The following INPP5A variants were observed in gnomAD, a reference collection of about 807,000 sequenced individuals.
INPP5A encodes the protein inositol polyphosphate-5-phosphatase A.
In INPP5A, 14 loss-of-function variants were observed where a neutral mutation model predicts 65.2. That is an observed-to-expected ratio of 0.21 (90% CI 0.14 to 0.34). INPP5A has a LOEUF of 0.34. INPP5A is among the 10% of genes least tolerant of loss of function. The pLI is 1.00. For missense variants in INPP5A, 431 were observed against 545.6 expected, an observed-to-expected ratio of 0.79 and a Z score of 2.09; for synonymous variants, 207 against 208.3, an observed-to-expected ratio of 0.99 and a Z score of 0.05.
At chr10:132,629,463 AG>A (rs1348040982) in intron 2 of INPP5A, among the ~76,000 whole-genome samples, 3 of 152,220 alleles carry the variant, frequency 2.0e-5, no homozygotes, top group African/African-American at 4.8e-5. Context: ...ACATCTTTGA[AG>A]GGAGTTGTGT....
intron 1 of INPP5A, among the ~76,000 whole-genome samples, chr10:132,556,707 G>T (rs1242302179): frequency 6.6e-6 from 1 of 152,134 alleles, no homozygotes; most frequent in Non-Finnish European, 1.5e-5. Context: ...TGACCTATTA[G>T]ATGTGTAAAA....
chr10:132,777,161 G>T (rs1038649598), intron 12 of INPP5A, among the ~76,000 whole-genome samples: 1 of 152,220 alleles, frequency 6.6e-6, no homozygotes, highest in Non-Finnish European at 1.5e-5. Context: ...CTGCAGCAGT[G>T]ACCCGGGGCC....
chr10:132,639,893 A>G (rs1456995294), intron 2 of INPP5A, among the ~76,000 whole-genome samples: 1 of 152,142 alleles, frequency 6.6e-6, no homozygotes, highest in Non-Finnish European at 1.5e-5. Context: ...TGTTGTATAA[A>G]TGTTTTTAGT....
chr10:132,612,519 C>T (rs1215239586), intron 2 of INPP5A, among the ~76,000 whole-genome samples: 2 of 151,722 alleles, frequency 1.3e-5, no homozygotes, highest in African/African-American at 2.4e-5. Flanking sequence ...GTGCAGGGGG[C>T]CTGTTTTGGG....
rs571712614 is a variant in INPP5A at position 132,704,243 on chromosome 10, G to A, written c.475-4070G>A. On this transcript the variant is annotated intron_variant, in intron 6 of 15. Coordinates refer to ENST00000368594, the MANE Select transcript of INPP5A (RefSeq NM_005539.5). The surrounding 1 kb of genome is among the most constrained non-coding windows in gnomAD (Gnocchi z 4.5). ...ACGGTACCTTTTCTCCTGGAAAGAC[G>A]CCTGCCTCCCACTGTCACTAGTAGA... 2.0e-5 allele frequency among the ~76,000 whole-genome samples: 3 copies of A among 152,218 alleles called. No individual in the cohort carries two copies. The highest frequency in any genetic ancestry group is 4.4e-5 in the Non-Finnish European group (3 of 68,006).
At chr10:132,691,964 C>T (rs1206983951) in intron 5 of INPP5A, among the ~76,000 whole-genome samples, 1 of 151,994 alleles carries the variant, frequency 6.6e-6, no homozygotes, top group African/African-American at 2.4e-5. Flanking sequence ...GGCAGGCGTG[C>T]GGTCCCGGGA....
Position 132,616,872 on chromosome 10 carries a change from T to C in INPP5A, c.117+8916T>C, listed in dbSNP as rs1045553756. 6.6e-6 allele frequency among the ~76,000 whole-genome samples: 1 copy of C among 151,894 alleles called. No individual in the cohort carries two copies. Among genetic ancestry groups the C allele is most frequent in the Non-Finnish European group, 1.5e-5 (1 of 67,934 alleles). On this transcript the variant is annotated intron_variant, in intron 2 of 15. Transcript: ENST00000368594. This position sits in a 1 kb window ranked among gnomAD's most constrained non-coding sequence, Gnocchi z 4.9. ...TCACGCTGCAGGAGCTCCTGGGCAG[T>C]CTGTTCTGGGAGTGAGGATGTTTGG...
chr10:132,568,020 G>A (rs1413786751), intron 1 of INPP5A, among the ~76,000 whole-genome samples: 3 of 151,820 alleles, frequency 2.0e-5, no homozygotes, highest in African/African-American at 7.3e-5. Flanking sequence ...GTGAAACCCC[G>A]TCTCTACTGA....
intron 11 of INPP5A, among the ~76,000 whole-genome samples, chr10:132,750,447 G>A (rs1394180838): frequency 2.0e-5 from 3 of 152,256 alleles, no homozygotes. Context: ...GTGAGAGACA[G>A]CCCCGGCTGC....
chr10:132,668,841 C>T, intron 4 of INPP5A, among the ~76,000 whole-genome samples: 1 of 152,186 alleles, frequency 6.6e-6, no homozygotes, highest in East Asian at 1.9e-4. Flanking sequence ...AACTGCCGAG[C>T]TCCATCGCAC....
At chr10:132,680,719 C>T (rs546393838) in intron 4 of INPP5A, among the ~76,000 whole-genome samples, 18 of 152,372 alleles carry the variant, frequency 1.2e-4, no homozygotes, top group African/African-American at 3.8e-4. Context: ...GCTGGATTTC[C>T]GGGTGGGCGT....
chr10:132,561,676 G>A (rs777899744), intron 1 of INPP5A, among the ~76,000 whole-genome samples: 1 of 151,290 alleles, frequency 6.6e-6, no homozygotes, highest in Non-Finnish European at 1.5e-5. Flanking sequence ...GACTATTCTG[G>A]TGTCCTTCCA....
chr10:132,576,119 G>A (rs1244365808), intron 1 of INPP5A, among the ~76,000 whole-genome samples: 6 of 152,272 alleles, frequency 3.9e-5, no homozygotes, highest in Non-Finnish European at 7.4e-5. Context: ...CTGAGATCAC[G>A]GCCCAGCCCT....
chr10:132,597,337 T>C lies in INPP5A; in HGVS notation c.76-10578T>C, dbSNP rs553822876. Among the ~76,000 whole-genome samples, 3 of 152,372 alleles carry C rather than the reference T, an allele frequency of 2.0e-5. No homozygotes were observed. In the South Asian group the frequency reaches 6.2e-4, roughly 32 times the overall value. ...TGTGTCAGGGTGTCTGGATGTGGTC[T>C]GTCAGCTCATCCACAAGGACTCGGG... On this transcript the variant is annotated intron_variant, in intron 1 of 15. Coordinates refer to ENST00000368594, the MANE Select transcript of INPP5A (RefSeq NM_005539.5).
At chr10:132,735,373 G>T (rs751226750) in intron 9 of INPP5A, among the ~76,000 whole-genome samples, 1 of 152,258 alleles carries the variant, frequency 6.6e-6, no homozygotes, top group African/African-American at 2.4e-5. Context: ...TAGCCAGAGC[G>T]CATCAGGAAG....
In INPP5A at chr10:132,697,665, G is replaced by T. The variant is rs752021781; in HGVS notation, c.371-151G>T. The T allele has an allele frequency of 1.6e-6, 1 of 615,128 alleles. No individual in the cohort carries two copies. The highest frequency in any genetic ancestry group is 2.9e-6 in the Non-Finnish European group (1 of 341,138). The allele number at this position is 615,128 out of a possible 1,614,324, so 38.1% of individuals were successfully genotyped here. A position where few individuals can be genotyped will look rare whatever the true frequency, so the allele number is the denominator to read the frequency against. On this transcript the variant is annotated intron_variant, in intron 5 of 15. Coordinates refer to ENST00000368594, the MANE Select transcript of INPP5A (RefSeq NM_005539.5). This position sits in a 1 kb window ranked among gnomAD's most constrained non-coding sequence, Gnocchi z 5.6. Reference sequence around the variant, plus strand: ...GGAGTAGCCGGCCCGCTGGGGGTCTGTTCTGGGTCGGACCCCTCATCAGGG... The same window carrying T: ...GGAGTAGCCGGCCCGCTGGGGGTCTTTTCTGGGTCGGACCCCTCATCAGGG...
At chr10:132,665,016 T>C (rs1247337107) in intron 4 of INPP5A, among the ~76,000 whole-genome samples, 1 of 152,136 alleles carries the variant, frequency 6.6e-6, no homozygotes, top group Non-Finnish European at 1.5e-5. Context: ...CCCAGAACTT[T>C]CCTGAAGTCG....
At chr10:132,725,931 A>G (rs1420284616) in intron 8 of INPP5A, among the ~76,000 whole-genome samples, 1 of 152,082 alleles carries the variant, frequency 6.6e-6, no homozygotes, top group Non-Finnish European at 1.5e-5. Context: ...TTGGTGGCCA[A>G]TGCCACGTTG....
chr10:132,699,278 C>T (rs754268589), intron 6 of INPP5A, among the ~76,000 whole-genome samples: 5 of 151,222 alleles, frequency 3.3e-5, no homozygotes, highest in Non-Finnish European at 5.9e-5. Context: ...GAACTCTGGC[C>T]TCTCTTGAAC....
Sources: allele counts gnomAD v4.1 joint callset (sites outside exome capture counted in the v4.1 genomes callset), GRCh38; gene constraint gnomAD v4.1.1; non-coding constraint Gnocchi (gnomAD v3.1); transcripts MANE v1.5; gene names NCBI Gene and HGNC (gene_info 2026-07-23, HGNC 2026-07-21).